ZNF185: variants seen among roughly 807,000 people sequenced by gnomAD.
ZNF185 encodes zinc finger protein 185.
In ZNF185, 56 loss-of-function variants were observed where a neutral mutation model predicts 58.6. That is an observed-to-expected ratio of 0.95 (90% confidence interval 0.77 to 1.19). The LOEUF (loss-of-function observed/expected upper bound fraction) is 1.19, where lower values mean the gene tolerates loss of function less well. Ranked by LOEUF, ZNF185 falls within the 50% of genes most tolerant of loss-of-function variation. The probability of loss-of-function intolerance (pLI) is 0.00; values close to 1 mark genes in which losing one functional copy is unlikely to be tolerated. For synonymous variants in ZNF185, 230 were observed against 215.9 expected (o/e 1.07, Z -0.57); for missense variants, 627 against 573.5 (o/e 1.09, Z -0.95).
chrX:152,964,096 C>T (rs1230749964), intron 18 of ZNF185, 147 bp downstream of exon 20: 7 of 502,339 alleles, frequency 1.4e-5, no homozygotes, highest in African/African-American at 1.2e-4. Flanking sequence ...CCACACAGGA[C>T]AGTGTTAGTC....
intron 12 of ZNF185, among the ~76,000 whole-genome samples, chrX:152,930,072 C>A (rs1194203282): frequency 8.9e-6 from 1 of 112,446 alleles, no homozygotes; most frequent in African/African-American, 3.2e-5. Flanking sequence ...GCCCATTTTA[C>A]AGATTAAGAA....
intron 7 of ZNF185, among the ~76,000 whole-genome samples, chrX:152,919,737 C>T (rs1424485846): frequency 8.9e-6 from 1 of 112,470 alleles, no homozygotes; most frequent in Non-Finnish European, 1.9e-5. Flanking sequence ...CAGTTGGGCC[C>T]TGAGGAAATA....
chrX:152,970,491 A>T, exon 22 of ZNF185: 1 of 1,210,347 alleles, frequency 8.3e-7, no homozygotes, highest in Non-Finnish European at 1.1e-6. Context: ...TCAGATCTTC[A>T]TTCACCGTGA....
At chrX:152,962,251 T>TG (rs1159539748) in intron 17 of ZNF185, among the ~76,000 whole-genome samples, 4 of 110,511 alleles carry the variant, frequency 3.6e-5, no homozygotes, top group Non-Finnish European at 7.6e-5. Flanking sequence ...GGAGGGCTCC[T>TG]ATTGCTCACA....
At chrX:152,908,810 G>A in the ZNF185 span, among the ~76,000 whole-genome samples, 1 of 113,415 alleles carries the variant, frequency 8.8e-6, no homozygotes, top group Non-Finnish European at 1.9e-5. Context: ...CCCACTCCTG[G>A]CTGACTCTGC....
the ZNF185 span, among the ~76,000 whole-genome samples, chrX:152,900,546 C>T: frequency 7.1e-5 from 8 of 113,037 alleles, no homozygotes; most frequent in South Asian, 3.6e-4. Flanking sequence ...CCTTGCAGTC[C>T]GGGCCTTTGG....
intron 7 of ZNF185, 81 bp from the exon 9 acceptor site, chrX:152,920,247 C>A: frequency 9.5e-7 from 1 of 1,054,417 alleles, no homozygotes; most frequent in Non-Finnish European, 1.3e-6. Flanking sequence ...CTAAGTCACC[C>A]CGAGTCCATC....
the ZNF185 span, among the ~76,000 whole-genome samples, chrX:152,909,373 T>C: frequency 8.9e-6 from 1 of 112,450 alleles, no homozygotes; most frequent in Non-Finnish European, 1.9e-5. Flanking sequence ...ATTCTGGACG[T>C]GAGCCTCGTG....
chrX:152,941,648 C>G (rs1556889566), intron 15 of ZNF185: 1 of 1,151,634 alleles, frequency 8.7e-7, no homozygotes, highest in African/African-American at 1.8e-5. Context: ...GCCGCCATTT[C>G]TTGAAGCCCC....
intron 12 of ZNF185, among the ~76,000 whole-genome samples, chrX:152,929,033 T>C (rs1003854440): frequency 5.4e-5 from 6 of 111,150 alleles, no homozygotes; most frequent in African/African-American, 2.0e-4. Flanking sequence ...ACCCTGCCAA[T>C]TGCTGAAGAT....
At chrX:152,927,478 C>A (rs189681355) in intron 11 of ZNF185, among the ~76,000 whole-genome samples, 22 of 111,603 alleles carry the variant, frequency 2.0e-4, no homozygotes, top group African/African-American at 5.5e-4. Flanking sequence ...CTCCTGGGAC[C>A]CCTGAGTGGC....
chrX:152,968,677 C>T (rs781954228), intron 20 of ZNF185, among the ~76,000 whole-genome samples: 3 of 112,808 alleles, frequency 2.7e-5, no homozygotes, highest in African/African-American at 6.4e-5. Context: ...TTGTTAATGT[C>T]CCCCCGCCCC....
chrX:152,936,332 G>A (rs1289658355), intron 14 of ZNF185, 86 bp from the exon 16 acceptor site: 4 of 786,128 alleles, frequency 5.1e-6, no homozygotes, highest in Non-Finnish European at 7.4e-6. Context: ...CATCATCTGT[G>A]GGGGGCAGGA....
At chrX:152,914,460 A>G in exon 1 of ZNF185, 1 of 1,157,830 alleles carries the variant, frequency 8.6e-7, no homozygotes, top group African/African-American at 1.8e-5. Context: ...CTGCTGAATC[A>G]AGTGAGAGGA....
At chrX:152,937,930 C>T (rs2046534705) in intron 14 of ZNF185, 144 bp from the exon 17 acceptor site, 1 of 521,634 alleles carries the variant, frequency 1.9e-6, no homozygotes, top group African/African-American at 2.4e-5. Flanking sequence ...ATCGGTGCCA[C>T]ACTAATGCCA....
intron 22 of ZNF185, 135 bp downstream of exon 24, chrX:152,970,676 G>A: frequency 2.0e-6 from 1 of 492,981 alleles, no homozygotes; most frequent in Non-Finnish European, 3.4e-6. Flanking sequence ...AGGGGGCCTT[G>A]TGTCCTCATG....
At chrX:152,962,308 A>T (rs144209213) in intron 17 of ZNF185, among the ~76,000 whole-genome samples, 1 of 109,884 alleles carries the variant, frequency 9.1e-6, no homozygotes, top group African/African-American at 3.3e-5. Flanking sequence ...TTTTTTTAAG[A>T]GGCGGTGTTT....
chrX:152,922,398 G>T (rs1556870102), intron 10 of ZNF185, 142 bp downstream of exon 11: 10 of 619,517 alleles, frequency 1.6e-5, no homozygotes, highest in Non-Finnish European at 2.0e-5. Context: ...ACGGGACAAA[G>T]AAATCAGTAA....
Position 152,941,714 on chromosome X carries a change from C to T in ZNF185, c.1211+3551C>T, listed in dbSNP as rs781821650. On this transcript the variant is annotated intron_variant, in intron 15 of 22. Transcript: ENST00000449285. Reference sequence around the variant, plus strand: ...GCGACCGTCCACAAAGTGAAATGGCCGCCCGGGACGAGCTCGGCCTCGGCG... The same window carrying T: ...GCGACCGTCCACAAAGTGAAATGGCTGCCCGGGACGAGCTCGGCCTCGGCG... 8.6e-6 allele frequency: 10 copies of T among 1,163,944 alleles called. No homozygotes were observed. The South Asian group carries it at 9.5e-5, about 11-fold the overall frequency.
Sources: allele counts gnomAD v4.1 joint callset (sites outside exome capture counted in the v4.1 genomes callset), GRCh38; gene constraint gnomAD v4.1.1; transcripts MANE v1.5; gene names NCBI Gene and HGNC (gene_info 2026-07-23, HGNC 2026-07-21).